Variants in CCDC73 observed in about 807,000 individuals in gnomAD.
The protein encoded by CCDC73 is coiled-coil domain containing 73, also known as coiled-coil domain-containing protein 73.
CCDC73 carries 95 observed loss-of-function variants against 116.5 expected under a neutral mutation model. The observed-to-expected ratio is 0.82, with a 90% CI of 0.69 to 0.97. The LOEUF is 0.97. CCDC73 is among the 50% of genes least tolerant of loss of function. The probability of loss-of-function intolerance (pLI) is 0.00; values close to 1 mark genes in which losing one functional copy is unlikely to be tolerated. For synonymous variants in CCDC73, 398 were observed against 401.3 expected (o/e 0.99, Z 0.10); for missense variants, 1,066 against 1,206.8 (o/e 0.88, Z 1.73).
intron 17 of CCDC73, among the ~76,000 whole-genome samples, chr11:32,609,817 T>C (rs1855396964): frequency 6.6e-6 from 1 of 152,128 alleles, no homozygotes; most frequent in Non-Finnish European, 1.5e-5. Flanking sequence ...TCTCGCTCTG[T>C]CATCCAGGCT....
intron 2 of CCDC73, among the ~76,000 whole-genome samples, chr11:32,747,907 G>A (rs1257272340): frequency 6.6e-6 from 1 of 152,212 alleles, no homozygotes; most frequent in Non-Finnish European, 1.5e-5. Context: ...CTTCCTGGGT[G>A]AGGCGACACC....
intron 6 of CCDC73, among the ~76,000 whole-genome samples, chr11:32,688,052 A>G (rs1856221566): frequency 1.3e-5 from 2 of 152,180 alleles, no homozygotes; most frequent in East Asian, 1.9e-4. Context: ...TATTGATATA[A>G]ATAAATATAT....
intron 6 of CCDC73, among the ~76,000 whole-genome samples, chr11:32,693,779 T>A (rs1448160575): frequency 6.6e-6 from 1 of 152,228 alleles, no homozygotes; most frequent in African/African-American, 2.4e-5. Flanking sequence ...TCAATAAACG[T>A]AATCCATCAC....
rs1849826493 is a variant in CCDC73, at chr11:32,702,939, A to C, written c.213T>G (p.Thr71=). The C allele has an allele frequency of 6.2e-7, 1 of 1,610,540 alleles. No individual in the cohort carries two copies. The highest frequency in any genetic ancestry group is 8.5e-7 in the Non-Finnish European group (1 of 1,176,812). Residue 71 remains threonine, a synonymous_variant, in exon 4 of 18, where the codon ACT becomes ACG. Coordinates refer to ENST00000335185, the MANE Select transcript of CCDC73 (RefSeq NM_001008391.4). ...CCAATGTTTCCTTTTGATTCTGAAG[A>C]GTTTCCTGTTTTAAAAATTATGACA... is the stretch of plus-strand genomic sequence containing the variant. The part of the protein sequence containing the change: ...ETQELKWQKE[T]LQNQKETLAE...
chr11:32,825,384 C>T, the CCDC73 span, among the ~76,000 whole-genome samples: 1 of 148,832 alleles, frequency 6.7e-6, no homozygotes, highest in African/African-American at 2.5e-5. Context: ...CTCATCGCAA[C>T]CTCCACCTTC....
chr11:32,603,693 T>A (rs1048129481), intron 17 of CCDC73: 2 of 152,242 alleles, frequency 1.3e-5, no homozygotes, highest in Non-Finnish European at 2.9e-5. Context: ...GTTTCCAGTT[T>A]ATCCCTACCA....
the CCDC73 span, among the ~76,000 whole-genome samples, chr11:32,818,401 C>T: frequency 1.3e-5 from 2 of 152,256 alleles, no homozygotes; most frequent in African/African-American, 2.4e-5. Flanking sequence ...GCATAATAAT[C>T]GGGTCTACTG....
the CCDC73 span, among the ~76,000 whole-genome samples, chr11:32,805,098 T>C: frequency 6.6e-6 from 1 of 152,214 alleles, no homozygotes; most frequent in African/African-American, 2.4e-5. Context: ...CAGAACCTTG[T>C]ATCTCAAAGA....
At chr11:32,828,230 C>T in the CCDC73 span, among the ~76,000 whole-genome samples, 1 of 152,008 alleles carries the variant, frequency 6.6e-6, no homozygotes, top group Non-Finnish European at 1.5e-5. Context: ...AATTTGAGGC[C>T]GGGCACAGTG....
intron 2 of CCDC73, among the ~76,000 whole-genome samples, chr11:32,755,545 A>ATATATATATATATATATG (rs1850326369): frequency 7.5e-5 from 10 of 133,392 alleles, no homozygotes; most frequent in East Asian, 5.5e-4. Flanking sequence ...AAATATATAT[A>ATATATATATATATATATG]TATATATATA....
At chr11:32,739,530 T>G (rs1360048763) in intron 2 of CCDC73, among the ~76,000 whole-genome samples, 8 of 152,168 alleles carry the variant, frequency 5.3e-5, no homozygotes, top group South Asian at 4.1e-4. Context: ...TGCTACTGGT[T>G]TTTGTATGAT....
At chr11:32,759,327 CTTT>C (rs1208029392) in intron 2 of CCDC73, among the ~76,000 whole-genome samples, 1 of 129,954 alleles carries the variant, frequency 7.7e-6, no homozygotes, top group East Asian at 2.3e-4. Flanking sequence ...ACATTTTTTC[CTTT>C]TTTTTTTTTT....
At chr11:32,669,533 A>G (rs1392070567) in intron 9 of CCDC73, among the ~76,000 whole-genome samples, 1 of 152,168 alleles carries the variant, frequency 6.6e-6, no homozygotes, top group Non-Finnish European at 1.5e-5. Context: ...CTGTTGTGCT[A>G]TCAAATACTA....
At chr11:32,745,745 G>GTTT (rs140610634) in intron 2 of CCDC73, among the ~76,000 whole-genome samples, 2 of 113,914 alleles carry the variant, frequency 1.8e-5, no homozygotes, top group Non-Finnish European at 3.6e-5. Flanking sequence ...GTTTGTTTTG[G>GTTT]TTTTTTTTTT....
At chr11:32,727,934 T>G (rs1850042797) in intron 2 of CCDC73, among the ~76,000 whole-genome samples, 1 of 152,048 alleles carries the variant, frequency 6.6e-6, no homozygotes, top group Non-Finnish European at 1.5e-5. Flanking sequence ...CCTCCTACAT[T>G]TAATAGCTGA....
In CCDC73 at chr11:32,739,134, T is replaced by G. The variant is rs115271279; in HGVS notation, c.135+20975A>C. 7.1e-3 allele frequency among the ~76,000 whole-genome samples: 1,081 copies of G among 152,326 alleles called. 17 individuals carry two copies. Among genetic ancestry groups the G allele is most frequent in the African/African-American group, 0.025 (1,043 of 41,576 alleles). ...ATTTGAAGTCAGGCAATGTGATTCCTGCAGTTCTGTTCTTTTTGTTCAGGA... is the reference window on the plus strand; with the variant it reads ...ATTTGAAGTCAGGCAATGTGATTCCGGCAGTTCTGTTCTTTTTGTTCAGGA... On this transcript the variant is annotated intron_variant, in intron 2 of 17. Coordinates refer to ENST00000335185, the MANE Select transcript of CCDC73 (RefSeq NM_001008391.4).
chr11:32,782,360 G>T (rs1490522622), intron 1 of CCDC73, among the ~76,000 whole-genome samples: 2 of 152,194 alleles, frequency 1.3e-5, no homozygotes, highest in Non-Finnish European at 1.5e-5. Flanking sequence ...GTGCCAAAAA[G>T]TTGGGGACCA....
chr11:32,732,857 C>A (rs977170528), intron 2 of CCDC73, among the ~76,000 whole-genome samples: 3 of 152,156 alleles, frequency 2.0e-5, no homozygotes, highest in African/African-American at 7.2e-5. Flanking sequence ...GAAACTGCAT[C>A]AACTAAGAAG....
chr11:32,636,158 C>T (rs1434894408), intron 13 of CCDC73, among the ~76,000 whole-genome samples: 1 of 152,002 alleles, frequency 6.6e-6, no homozygotes, highest in Non-Finnish European at 1.5e-5. Context: ...AATCTGAGGA[C>T]CGTGTCCTTA....
Sources: gnomAD v4.1 joint callset for allele counts (sites outside exome capture counted in the v4.1 genomes callset) on GRCh38, gnomAD v4.1.1 for gene constraint, MANE v1.5 for transcripts, NCBI Gene and HGNC (gene_info 2026-07-23, HGNC 2026-07-21) for gene names.